STAB2: variants seen among roughly 807,000 people sequenced by gnomAD.
STAB2 encodes stabilin-2.
In STAB2, 288 loss-of-function variants were observed where a neutral mutation model predicts 338.1. That is an observed-to-expected ratio of 0.85 (90% CI 0.77 to 0.94). STAB2 has a LOEUF of 0.94. Among genes scored for constraint, STAB2 ranks in the 40% least tolerant of loss-of-function variants. The pLI is 0.00. For synonymous variants in STAB2, 1,202 were observed against 1,193.3 expected (o/e 1.01, Z -0.15); for missense variants, 3,141 against 3,210.1 (o/e 0.98, Z 0.52).
chr12:103,757,531 C>T (rs1211021905), intron 63 of STAB2, among the ~76,000 whole-genome samples: 1 of 152,232 alleles, frequency 6.6e-6, no homozygotes, highest in Non-Finnish European at 1.5e-5. Flanking sequence ...TGGAGCAGGG[C>T]TTGGGGGGCA....
chr12:103,664,890 C>A (rs1874940744), intron 18 of STAB2, among the ~76,000 whole-genome samples: 1 of 152,178 alleles, frequency 6.6e-6, no homozygotes, highest in Non-Finnish European at 1.5e-5. Context: ...AACATGGTCA[C>A]TTTCCTAGCC....
rs1884694217 is a variant in STAB2 at position 103,763,505 on chromosome 12, T to C, written c.7502T>C (p.Ile2501Thr). The change falls in exon 68 of 69, where the codon ATT (isoleucine) becomes ACT (threonine). Residue 2501 changes from isoleucine (I) to threonine (T), a missense_variant. Transcript: ENST00000388887. Reference sequence around the variant, plus strand: ...CTTTCCAAACAGTCGGAAGAGGACATTAATGTTGCAGCTCTTGGCAAGCAG... The same window carrying C: ...CTTTCCAAACAGTCGGAAGAGGACACTAATGTTGCAGCTCTTGGCAAGCAG... ...GFQHFESEED[I>T]NVAALGKQQP... is the part of the protein sequence containing the mutation. 1.9e-6 allele frequency: 3 copies of C among 1,614,114 alleles called. No individual in the cohort carries two copies. The highest frequency in any genetic ancestry group is 1.3e-5 in the African/African-American group (1 of 75,044).
chr12:103,681,301 A>C (rs1876877746), intron 25 of STAB2, among the ~76,000 whole-genome samples: 1 of 152,190 alleles, frequency 6.6e-6, no homozygotes, highest in Non-Finnish European at 1.5e-5. Context: ...AGAAAAGGAA[A>C]AAAAAAATGA....
chr12:103,706,750 G>C (rs776583574), intron 37 of STAB2, 42 bp from the exon 38 acceptor site: 7 of 1,611,650 alleles, frequency 4.3e-6, no homozygotes, highest in South Asian at 1.1e-5. Context: ...GACAACACCA[G>C]AGGATAGAAG....
At chr12:103,737,919 T>A in intron 53 of STAB2, 139 bp downstream of exon 53, 2 of 1,123,652 alleles carry the variant, frequency 1.8e-6, no homozygotes, top group Non-Finnish European at 2.4e-6. Context: ...GAGGGCCAAA[T>A]GATGTAGTTC....
intron 56 of STAB2, among the ~76,000 whole-genome samples, chr12:103,743,485 T>C (rs1455586025): frequency 2.0e-5 from 3 of 152,196 alleles, no homozygotes; most frequent in Non-Finnish European, 4.4e-5. Context: ...GACATTGTTT[T>C]AGAAGACACC....
chr12:103,660,688 A>G lies in STAB2; in HGVS notation c.1794A>G (p.Glu598=), dbSNP rs1370382197. ...TTGTTCTCTTCTTATTGCAGCTTGA[A>G]GTGGCCACTCTCATCTCCACCCCTC... The part of the protein sequence containing the change: ...RYHIVPFTQL[E]VATLISTPHI... Residue 598 remains glutamate (E), a synonymous_variant, in exon 17 of 69, where the codon GAA becomes GAG. Transcript: ENST00000388887. The G allele has an allele frequency of 6.2e-7, 1 of 1,614,116 alleles. No individual in the cohort carries two copies. The highest frequency in any genetic ancestry group is 1.7e-5 in the Admixed American group (1 of 60,028).
chr12:103,670,848 G>A (rs1445744201), intron 22 of STAB2, 41 bp downstream of exon 22: 1 of 1,549,766 alleles, frequency 6.5e-7, no homozygotes, highest in Non-Finnish European at 8.9e-7. Flanking sequence ...TCCTAAGCAA[G>A]GTTCCCTCTC....
chr12:103,698,692 C>T (rs1299321231), intron 33 of STAB2, among the ~76,000 whole-genome samples: 3 of 152,174 alleles, frequency 2.0e-5, no homozygotes, highest in African/African-American at 7.2e-5. Context: ...ACCCTATCTC[C>T]ACGAGACACA....
intron 58 of STAB2, among the ~76,000 whole-genome samples, chr12:103,747,193 A>AT (rs1260796575): frequency 6.6e-6 from 1 of 151,896 alleles, no homozygotes; most frequent in African/African-American, 2.4e-5. Flanking sequence ...ACACAACACC[A>AT]TTTTTTTAAG....
intron 17 of STAB2, among the ~76,000 whole-genome samples, chr12:103,661,727 G>A (rs1278469666): frequency 6.6e-6 from 1 of 152,166 alleles, no homozygotes; most frequent in Non-Finnish European, 1.5e-5. Flanking sequence ...GGAACAAACA[G>A]TGTGAATATC....
chr12:103,589,191 G>T (rs565168256), intron 1 of STAB2, among the ~76,000 whole-genome samples: 1 of 152,170 alleles, frequency 6.6e-6, no homozygotes, highest in Non-Finnish European at 1.5e-5. Context: ...TTCTTTTTAT[G>T]CAGGCTTTAT....
At chr12:103,715,351 A>G (rs1357132183) in intron 42 of STAB2, among the ~76,000 whole-genome samples, 2 of 152,010 alleles carry the variant, frequency 1.3e-5, no homozygotes, top group Admixed American at 6.6e-5. Context: ...GTCAGAGGAG[A>G]CACACTTTAA....
chr12:103,719,811 A>G (rs1002243778), intron 44 of STAB2, among the ~76,000 whole-genome samples: 12 of 152,364 alleles, frequency 7.9e-5, no homozygotes, highest in Non-Finnish European at 1.6e-4. Context: ...GCCCAAGGCC[A>G]CAGAGCTAGT....
chr12:103,713,605 C>T, intron 41 of STAB2, 38 bp from the exon 42 acceptor site: 1 of 1,608,486 alleles, frequency 6.2e-7, no homozygotes, highest in Non-Finnish European at 8.5e-7. Context: ...GGCTTTTGCC[C>T]TTCCCTCTCC....
intron 3 of STAB2, among the ~76,000 whole-genome samples, chr12:103,619,761 C>A (rs971517641): frequency 6.6e-6 from 1 of 150,756 alleles, no homozygotes; most frequent in Non-Finnish European, 1.5e-5. Flanking sequence ...CCCCCGCCCC[C>A]GCCACCCCAC....
chr12:103,736,308 G>A (rs116234075), intron 52 of STAB2, among the ~76,000 whole-genome samples: 3,242 of 152,276 alleles, frequency 0.021, 99 homozygotes, highest in African/African-American at 0.072. Context: ...GCAGTGGGAA[G>A]GAGGAAGGGC....
chr12:103,763,302 C>T (rs953493625), intron 67 of STAB2, 190 bp from the exon 68 acceptor site: 18 of 610,132 alleles, frequency 3.0e-5, no homozygotes, highest in Admixed American at 1.0e-4. Context: ...GGGCAGACAT[C>T]GGTAAGATGT....
At chr12:103,642,547 G>A (rs1308191058) in intron 9 of STAB2, among the ~76,000 whole-genome samples, 1 of 152,178 alleles carries the variant, frequency 6.6e-6, no homozygotes, top group Non-Finnish European at 1.5e-5. Flanking sequence ...TGGTACAGTG[G>A]CAAGAGACAT....
Sources: allele counts gnomAD v4.1 joint callset (sites outside exome capture counted in the v4.1 genomes callset), GRCh38; gene constraint gnomAD v4.1.1; transcripts MANE v1.5; gene names NCBI Gene and HGNC (gene_info 2026-07-23, HGNC 2026-07-21).